Variants in TTC7A observed in about 807,000 individuals in gnomAD.
TTC7A encodes the protein tetratricopeptide repeat protein 7A.
TTC7A carries 110 observed loss-of-function variants against 103.7 expected under a neutral mutation model. The ratio of observed to expected loss-of-function variants is 1.06; its 90% CI spans 0.91 to 1.24. TTC7A has a LOEUF of 1.24. TTC7A is among the 50% of genes most tolerant of loss of function. TTC7A has a pLI of 0.00. For synonymous variants in TTC7A, 521 were observed against 467.9 expected (o/e 1.11, Z -1.47); for missense variants, 1,340 against 1,116.3 (o/e 1.20, Z -2.86).
chr2:46,944,374 G>GTTTTTTTTTTTTTTTTTT (rs34191565), intron 1 of TTC7A, among the ~76,000 whole-genome samples: 1 of 88,944 alleles, frequency 1.1e-5, no homozygotes, highest in African/African-American at 4.5e-5. Flanking sequence ...GGTATTTTGG[G>GTTTTTTTTTTTTTTTTTT]TTTTTTTTTT....
intron 5 of TTC7A, among the ~76,000 whole-genome samples, chr2:46,979,417 G>A (rs1346977194): frequency 6.6e-6 from 1 of 152,178 alleles, no homozygotes; most frequent in Non-Finnish European, 1.5e-5. Flanking sequence ...CTGGCGTCAC[G>A]CTGGGGCTGT....
chr2:47,009,616 G>A (rs1237301797), intron 10 of TTC7A, among the ~76,000 whole-genome samples: 2 of 152,146 alleles, frequency 1.3e-5, no homozygotes, highest in Non-Finnish European at 2.9e-5. Context: ...TCATAGCTGT[G>A]CACCTGCCAG....
intron 18 of TTC7A, among the ~76,000 whole-genome samples, chr2:47,057,371 G>T (rs1444378411): frequency 1.3e-5 from 2 of 152,340 alleles, no homozygotes; most frequent in South Asian, 4.1e-4. Context: ...TTCAGGGCGT[G>T]CTCTCTGGTG....
intron 8 of TTC7A, among the ~76,000 whole-genome samples, chr2:47,001,529 G>T (rs1676801938): frequency 6.6e-6 from 1 of 152,202 alleles, no homozygotes; most frequent in African/African-American, 2.4e-5. Context: ...TGTGAGGCCA[G>T]ATGAGACGGT....
chr2:46,951,763 T>G (rs969434593), intron 2 of TTC7A: 3 of 426,078 alleles, frequency 7.0e-6, no homozygotes, highest in African/African-American at 6.1e-5. Flanking sequence ...AAACCTTTTA[T>G]TCCAACGTAC....
chr2:47,031,011 A>C (rs1680476985), intron 15 of TTC7A, among the ~76,000 whole-genome samples: 1 of 152,200 alleles, frequency 6.6e-6, no homozygotes, highest in Non-Finnish European at 1.5e-5. Context: ...GCTCGGTGTG[A>C]TGGCAGGTGC....
At chr2:47,027,099 A>G (rs896783376) in intron 14 of TTC7A, among the ~76,000 whole-genome samples, 1 of 151,988 alleles carries the variant, frequency 6.6e-6, no homozygotes, top group Non-Finnish European at 1.5e-5. Flanking sequence ...TTCTCTCCCA[A>G]CCCTCTCTTT....
At chr2:47,059,084 C>T (rs1490238975) in intron 18 of TTC7A, among the ~76,000 whole-genome samples, 4 of 129,988 alleles carry the variant, frequency 3.1e-5, no homozygotes, top group South Asian at 2.5e-4. Context: ...CACAGTGGCG[C>T]GATCGCAGCT....
intron 9 of TTC7A, 64 bp downstream of exon 9, chr2:47,006,123 C>T (rs911652078): frequency 1.3e-6 from 2 of 1,582,102 alleles, no homozygotes; most frequent in Non-Finnish European, 1.7e-6. Flanking sequence ...GGAAATCAGA[C>T]AGAGCCATTT....
intron 14 of TTC7A, among the ~76,000 whole-genome samples, chr2:47,025,332 A>G (rs867047974): frequency 6.6e-6 from 1 of 152,188 alleles, no homozygotes; most frequent in Non-Finnish European, 1.5e-5. Flanking sequence ...GAGCCAGCAT[A>G]GAACCCAGGC....
chr2:46,967,622 A>G (rs1379688145), intron 3 of TTC7A, among the ~76,000 whole-genome samples: 2 of 152,056 alleles, frequency 1.3e-5, no homozygotes, highest in Non-Finnish European at 2.9e-5. Context: ...ATTGTATTGT[A>G]TGTATGTATA....
At chr2:46,983,273 C>T (rs2104305365) in intron 5 of TTC7A, among the ~76,000 whole-genome samples, 1 of 152,318 alleles carries the variant, frequency 6.6e-6, no homozygotes, top group South Asian at 2.1e-4. Flanking sequence ...AGAGATGGGG[C>T]TGAGGACGGC....
At chr2:46,978,562 TA>T (rs74444627) in intron 4 of TTC7A, among the ~76,000 whole-genome samples, 136 of 132,600 alleles carry the variant, frequency 1.0e-3, no homozygotes, top group Non-Finnish European at 1.1e-3. Context: ...CCCTGTTTCT[TA>T]AAAAAAAAAA....
intron 19 of TTC7A, chr2:47,066,092 A>T (rs770534124): frequency 6.6e-6 from 1 of 152,174 alleles, no homozygotes; most frequent in Non-Finnish European, 1.5e-5. Context: ...GCAGTTACTG[A>T]AGCATTCCTG....
chr2:46,987,807 C>T lies in TTC7A; in HGVS notation c.765-5643C>T, dbSNP rs6727457. Among the ~76,000 whole-genome samples, 832 of 110,072 alleles carry T rather than the reference C, an allele frequency of 7.6e-3. 5 individuals carry two copies. Among genetic ancestry groups the T allele is most frequent in the African/African-American group, 0.021 (603 of 29,130 alleles). 72.2% of individuals were successfully genotyped at this position (110,072 alleles called of 152,430 possible). On this transcript the variant is annotated intron_variant, in intron 5 of 19. Coordinates refer to ENST00000319190, the MANE Select transcript of TTC7A (RefSeq NM_020458.4). ...CCGGTGAAAGCACTGTCCCTTTCCGCGCGTGTGTGTGTGTGTGTGTGTGTG... is the reference window on the plus strand; with the variant it reads ...CCGGTGAAAGCACTGTCCCTTTCCGTGCGTGTGTGTGTGTGTGTGTGTGTG...
At chr2:46,923,727 A>C (rs1669232778) in intron 2 of TTC7A, among the ~76,000 whole-genome samples, 1 of 151,772 alleles carries the variant, frequency 6.6e-6, no homozygotes, top group African/African-American at 2.4e-5. Context: ...CCCTGTCTCT[A>C]TAGAAAAACT....
intron 2 of TTC7A, among the ~76,000 whole-genome samples, chr2:46,927,711 G>A (rs1017413093): frequency 6.6e-6 from 1 of 151,852 alleles, no homozygotes; most frequent in Non-Finnish European, 1.5e-5. Flanking sequence ...CTCACAACAG[G>A]AACAGTGGAA....
At chr2:46,939,504 T>C (rs1670152556), upstream of TTC7A, among the ~76,000 whole-genome samples, 1 of 152,148 alleles carries the variant, frequency 6.6e-6, no homozygotes, top group African/African-American at 2.4e-5. Context: ...CACACATACA[T>C]GAGTATTGGT....
At chr2:47,022,338 T>C (rs1403250072) in intron 12 of TTC7A, among the ~76,000 whole-genome samples, 2 of 152,196 alleles carry the variant, frequency 1.3e-5, no homozygotes, top group Non-Finnish European at 2.9e-5. Context: ...CTCACAATGC[T>C]TCCATTCTGG....
Sources: allele counts gnomAD v4.1 joint callset (sites outside exome capture counted in the v4.1 genomes callset), GRCh38; gene constraint gnomAD v4.1.1; transcripts MANE v1.5; gene names NCBI Gene and HGNC (gene_info 2026-07-23, HGNC 2026-07-21).